SVIL: variants seen among roughly 807,000 people sequenced by gnomAD.
SVIL encodes supervillin.
In SVIL, 101 loss-of-function variants were observed where a neutral mutation model predicts 240.4. That is an observed-to-expected ratio of 0.42 (90% CI 0.36 to 0.50). SVIL has a LOEUF of 0.50. Ranked by LOEUF, SVIL falls within the 20% of genes least tolerant of loss-of-function variation. The pLI is 0.01. For synonymous variants in SVIL, 999 were observed against 1,100.0 expected (o/e 0.91, Z 1.82); for missense variants, 2,512 against 2,818.7 (o/e 0.89, Z 2.46).
chr10:29,709,558 G>A (rs541761119), intron 1 of SVIL, among the ~76,000 whole-genome samples: 1 of 152,278 alleles, frequency 6.6e-6, no homozygotes, highest in South Asian at 2.1e-4. Context: ...TGCTGGTTGA[G>A]AGTGCTGGAG....
upstream of SVIL, among the ~76,000 whole-genome samples, chr10:29,639,472 T>G (rs1369009712): frequency 1.4e-5 from 2 of 144,734 alleles, no homozygotes; most frequent in South Asian, 4.3e-4. Context: ...CCTGGCCCTT[T>G]TTTTTTTTTT....
intron 30 of SVIL, chr10:29,473,416 C>T (rs1219394208): frequency 1.6e-5 from 3 of 191,588 alleles, no homozygotes; most frequent in African/African-American, 2.5e-5. Flanking sequence ...TTACACTTCT[C>T]ACCCAAAACA....
At chr10:29,474,324 G>A (rs1310208438) in intron 29 of SVIL, among the ~76,000 whole-genome samples, 1 of 152,202 alleles carries the variant, frequency 6.6e-6, no homozygotes, top group Admixed American at 6.5e-5. Context: ...AATATTTGGT[G>A]AGGCCAGGTG....
At chr10:29,621,071 T>C (rs1053404912) in intron 1 of SVIL, among the ~76,000 whole-genome samples, 6 of 151,996 alleles carry the variant, frequency 3.9e-5, no homozygotes, top group Admixed American at 2.6e-4. Flanking sequence ...CCCAAAGTGC[T>C]GGGATTACAG....
chr10:29,464,034 C>T (rs1195017665), intron 34 of SVIL, among the ~76,000 whole-genome samples: 1 of 152,246 alleles, frequency 6.6e-6, no homozygotes, highest in Admixed American at 6.5e-5. Context: ...ACAATCAACA[C>T]TGGAGCGCAC....
intron 33 of SVIL, among the ~76,000 whole-genome samples, chr10:29,467,484 T>C (rs971285078): frequency 2.0e-5 from 3 of 152,110 alleles, no homozygotes; most frequent in African/African-American, 7.2e-5. Flanking sequence ...AGAAAAAAAC[T>C]GTTCAATCAG....
chr10:29,642,622 A>C lies in SVIL; in HGVS notation c.-201+15347T>G, dbSNP rs188138068. Among the ~76,000 whole-genome samples the C allele has an allele frequency of 2.1e-4, 32 of 152,232 alleles. No homozygotes were observed. In the East Asian group the frequency reaches 5.2e-3, roughly 25 times the overall value. ...ACCTAGCAACATGTGCCACTCAGTA[A>C]ATTTAATAAATGTTTGTGATGTGGA... On this transcript the variant is annotated intron_variant, in intron 3 of 35. Coordinates refer to the SVIL transcript ENST00000375400.
At chr10:29,614,941 C>A (rs1008182773) in intron 1 of SVIL, among the ~76,000 whole-genome samples, 12 of 152,152 alleles carry the variant, frequency 7.9e-5, no homozygotes, top group Admixed American at 2.6e-4. Context: ...AGGCATAAAC[C>A]TATCTGATCC....
intron 2 of SVIL, among the ~76,000 whole-genome samples, chr10:29,661,836 T>C (rs1653392180): frequency 1.3e-5 from 2 of 152,170 alleles, no homozygotes; most frequent in African/African-American, 4.8e-5. Flanking sequence ...AAACTTTCTT[T>C]CTTTTTTTTT....
At position 29,462,413 on chromosome 10, in the gene SVIL, C is replaced by A; in HGVS notation, c.6278-12G>T. On this transcript the variant is annotated splice_polypyrimidine_tract_variant and intron_variant, in intron 35 of 37. Transcript: ENST00000355867. ...CTTGAGATTTTTTCCTGTAGTTACA[C>A]AGATTGCAATGTCAGTAGACCCCAG... 6.2e-7 allele frequency: 1 copy of A among 1,613,612 alleles called. No individual in the cohort carries two copies. Among genetic ancestry groups the A allele is most frequent in the Non-Finnish European group, 8.5e-7 (1 of 1,179,802 alleles).
At position 29,623,438 on chromosome 10, in the gene SVIL, C is replaced by G. The variant is rs73596066; in HGVS notation, c.-201+10982G>C. ...TACTGGCCAGTACTAAGTCAGGCCC[C>G]ATGGGTTGTTCTGATCTCATTTCAG... On this transcript the variant is annotated intron_variant, in intron 1 of 37. Transcript: ENST00000355867. Among the ~76,000 whole-genome samples the G allele has an allele frequency of 3.7e-3, 570 of 152,358 alleles. 2 individuals are homozygous for G. Among genetic ancestry groups the G allele is most frequent in the African/African-American group, 0.013 (544 of 41,590 alleles).
intron 2 of SVIL, among the ~76,000 whole-genome samples, chr10:29,566,486 C>G (rs998187948): frequency 6.6e-6 from 1 of 152,118 alleles, no homozygotes; most frequent in African/African-American, 2.4e-5. Flanking sequence ...GGCAGTGCCA[C>G]AAGCTGTGAT....
chr10:29,600,991 C>T (rs759951587), intron 1 of SVIL, among the ~76,000 whole-genome samples: 13 of 152,124 alleles, frequency 8.5e-5, no homozygotes, highest in South Asian at 2.1e-4. Flanking sequence ...CCCTGGTGTC[C>T]GCGCGGTTTT....
Position 29,462,378 on chromosome 10 carries a change from G to A in SVIL, c.6301C>T (p.Pro2101Ser), listed in dbSNP as rs144939492. The A allele has an allele frequency of 6.2e-7, 1 of 1,613,980 alleles. No homozygotes were observed. Among genetic ancestry groups the A allele is most frequent in the Non-Finnish European group, 8.5e-7 (1 of 1,180,022 alleles). ...CCAGCGTGGATAAGGTAAGACTTGG[G>A]GGCTGGTTTCTTGAGATTTTTTCCT... is the stretch of plus-strand genomic sequence containing the variant. The part of the protein sequence containing the change: ...CKGKNLKKPA[P>S]KSYLIHAGLE... The change falls in exon 36 of 38, where the codon CCC (proline) becomes TCC (serine). Residue 2101 changes from proline (P) to serine (S), a missense_variant. By Grantham distance (74) the Pro-to-Ser change is moderately conservative. Around this residue, in one of 3 missense-constraint regions of SVIL, gnomAD observed 797 missense variants for 925.3 expected, o/e 0.86. Transcript: ENST00000355867.
intron 1 of SVIL, among the ~76,000 whole-genome samples, chr10:29,631,033 C>T (rs961788469): frequency 6.6e-6 from 1 of 152,060 alleles, no homozygotes; most frequent in South Asian, 2.1e-4. Flanking sequence ...AGGCTGGAGT[C>T]GAGGCCCAGG....
chr10:29,632,162 C>T lies in SVIL; in HGVS notation c.-201+2258G>A, dbSNP rs533296918. 3.9e-5 allele frequency among the ~76,000 whole-genome samples: 6 copies of T among 152,186 alleles called. 1 individual carries two copies. In the South Asian group the frequency reaches 1.2e-3, roughly 32 times the overall value. ...ACATCCTTATAAAAATCCCAAGGGC[C>T]CTTTCCTTTGGATGCAATTCCTCAA... On this transcript the variant is annotated intron_variant, in intron 1 of 37. Transcript: ENST00000355867.
At chr10:29,708,072 A>G (rs1442806700) in intron 1 of SVIL, among the ~76,000 whole-genome samples, 1 of 151,516 alleles carries the variant, frequency 6.6e-6, no homozygotes, top group Non-Finnish European at 1.5e-5. Context: ...CCTGGCTAAC[A>G]CGGTGAAACC....
intron 1 of SVIL, among the ~76,000 whole-genome samples, chr10:29,586,457 C>T (rs1375707236): frequency 6.6e-6 from 1 of 152,120 alleles, no homozygotes; most frequent in African/African-American, 2.4e-5. Context: ...GAAATCACCT[C>T]CCTAATGCAA....
chr10:29,584,608 A>C lies in SVIL; in HGVS notation c.-200-15296T>G, dbSNP rs575179988. Among the ~76,000 whole-genome samples, 971 of 152,320 alleles carry C rather than the reference A, an allele frequency of 6.4e-3. 8 individuals are homozygous for C. Among genetic ancestry groups the C allele is most frequent in the South Asian group, 0.013 (63 of 4,824 alleles). On this transcript the variant is annotated intron_variant, in intron 1 of 37. Transcript: ENST00000355867. Reference sequence around the variant, plus strand: ...GACTCTCTCCCCTGTATGCAAGCCCACAACAGAACCCCGTGCCTCGTTCAC... The same window carrying C: ...GACTCTCTCCCCTGTATGCAAGCCCCCAACAGAACCCCGTGCCTCGTTCAC...
Sources: allele counts gnomAD v4.1 joint callset (sites outside exome capture counted in the v4.1 genomes callset), GRCh38; gene constraint gnomAD v4.1.1; regional missense constraint gnomAD v4.1.1; transcripts MANE v1.5; gene names NCBI Gene and HGNC (gene_info 2026-07-23, HGNC 2026-07-21).